Variants in KIAA1217 observed in about 807,000 individuals in gnomAD.
KIAA1217 encodes sickle tail protein homolog.
A neutral mutation model predicts 163.9 loss-of-function variants in KIAA1217; 88 were observed. The observed-to-expected ratio is 0.54, with a 90% CI of 0.45 to 0.64. KIAA1217 has a LOEUF of 0.64. Ranked by LOEUF, KIAA1217 falls within the 30% of genes least tolerant of loss-of-function variation. The pLI, the probability that KIAA1217 is intolerant of heterozygous loss-of-function variation, is 0.00. For synonymous variants in KIAA1217, 903 were observed against 923.1 expected, an observed-to-expected ratio of 0.98 and a Z score of 0.39; for missense variants, 2,372 against 2,475.0, an observed-to-expected ratio of 0.96 and a Z score of 0.88.
chr10:24,481,472 A>C (rs941751937), intron 6 of KIAA1217: 23 of 152,288 alleles, frequency 1.5e-4, no homozygotes, highest in Admixed American at 1.5e-3. Flanking sequence ...GCCAAGTCAC[A>C]TGGCACCCCC....
At chr10:24,469,162 G>T (rs2063235579) in intron 5 of KIAA1217, among the ~76,000 whole-genome samples, 1 of 151,982 alleles carries the variant, frequency 6.6e-6, no homozygotes. Flanking sequence ...GTCTTGCTGT[G>T]TCGCCCAGGT....
chr10:24,089,167 T>C (rs1453666858), intron 2 of KIAA1217, among the ~76,000 whole-genome samples: 1 of 124,930 alleles, frequency 8.0e-6, no homozygotes, highest in East Asian at 1.9e-4. Context: ...GTAAATTTGT[T>C]TGTGTTCTTT....
At chr10:23,908,929 C>T (rs1001411257) in intron 1 of KIAA1217, among the ~76,000 whole-genome samples, 47 of 151,964 alleles carry the variant, frequency 3.1e-4, no homozygotes, top group African/African-American at 1.1e-3. Flanking sequence ...AAAGAAGATG[C>T]ACAATTGCAA....
rs117192226 is a variant in KIAA1217 at position 23,712,468 on chromosome 10, C to T, written c.-321+17234C>T. ...AGTTATTGCAGAGCAGTGCAGTCAA[C>T]TCAGTACAGAAAAGATAGGAGACAG... On this transcript the variant is annotated intron_variant, in intron 1 of 18. Coordinates refer to the KIAA1217 transcript ENST00000376462. Among the ~76,000 whole-genome samples, 1,416 of 152,060 alleles carry T rather than the reference C, an allele frequency of 9.3e-3. 10 individuals are homozygous for T. The highest frequency in any genetic ancestry group is 0.017 in the Middle Eastern group (5 of 294).
chr10:24,326,455 T>C (rs16924592), intron 2 of KIAA1217, among the ~76,000 whole-genome samples: 2,114 of 152,286 alleles, frequency 0.014, 45 homozygotes, highest in East Asian at 0.1. Context: ...GGTAGCCTAG[T>C]TGGAGAATAA....
chr10:23,907,235 A>G (rs557193039), intron 1 of KIAA1217, among the ~76,000 whole-genome samples: 26 of 150,928 alleles, frequency 1.7e-4, no homozygotes, highest in African/African-American at 5.8e-4. Flanking sequence ...TTTCTTCAAC[A>G]TTTTTTTTGA....
intron 2 of KIAA1217, among the ~76,000 whole-genome samples, chr10:24,063,795 T>C (rs999769945): frequency 6.6e-6 from 1 of 152,206 alleles, no homozygotes; most frequent in Non-Finnish European, 1.5e-5. Context: ...CTTCCATTGG[T>C]TTGTATCCTC....
chr10:24,524,689 T>G lies in KIAA1217; in HGVS notation c.2823T>G (p.Asn941Lys). 6.2e-7 allele frequency: 1 copy of G among 1,614,086 alleles called. No homozygotes were observed. The highest frequency in any genetic ancestry group is 8.5e-7 in the Non-Finnish European group (1 of 1,179,954). ...QAPQSPQIPM[N>K]GSAMQSLFIE... is the part of the protein sequence containing the mutation. ...CGCAGTCCCCACAGATACCCATGAATGGGTCTGCCATGCAGAGCTTGTTCA... is the reference window on the plus strand; with the variant it reads ...CGCAGTCCCCACAGATACCCATGAAGGGGTCTGCCATGCAGAGCTTGTTCA... Residue 941 changes from asparagine to lysine, a missense_variant, in exon 13 of 21, where the codon AAT (asparagine) becomes AAG (lysine). By Grantham distance (94) the Asn-to-Lys change is moderately conservative (BLOSUM62 0). This residue lies in a region of KIAA1217 where 1,431 missense variants were observed against 1,470.3 expected (regional missense o/e 0.97). Coordinates refer to ENST00000376454, the MANE Select transcript of KIAA1217 (RefSeq NM_019590.5).
At chr10:23,898,132 C>T (rs1841786588) in intron 1 of KIAA1217, among the ~76,000 whole-genome samples, 1 of 151,926 alleles carries the variant, frequency 6.6e-6, no homozygotes, top group South Asian at 2.1e-4. Context: ...ACTGAACAAG[C>T]TGCACATAAA....
chr10:24,501,515 G>T lies in KIAA1217; in HGVS notation c.1971G>T (p.Arg657Ser), dbSNP rs1409791438. The T allele has an allele frequency of 1.2e-6, 2 of 1,613,566 alleles. No homozygotes were observed. Among genetic ancestry groups the T allele is most frequent in the East Asian group, 2.2e-5 (1 of 44,828 alleles). ...LEMRRSVAEL[R>S]LQLQQMRQLQ... ...TGAGGCGGAGCGTGGCGGAACTCAG[G>T]CTCCAGCTCCAGCAGATGCGGCAGC... is the stretch of plus-strand genomic sequence containing the variant. The change falls in exon 9 of 21, where the codon AGG becomes AGT. Residue 657 changes from arginine (R) to serine (S), a missense_variant. By Grantham distance (110) the Arg-to-Ser change is moderately radical (BLOSUM62 -1). Around this residue, in one of 3 missense-constraint regions of KIAA1217, gnomAD observed 1,431 missense variants for 1,470.3 expected, o/e 0.97. Transcript: ENST00000376454.
intron 1 of KIAA1217, among the ~76,000 whole-genome samples, chr10:23,726,979 CTTT>C (rs1012125050): frequency 1.8e-4 from 17 of 93,414 alleles, no homozygotes; most frequent in African/African-American, 8.2e-4. Context: ...GTATAGGCCT[CTTT>C]TTTTTTTTTT....
intron 2 of KIAA1217, among the ~76,000 whole-genome samples, chr10:24,117,052 G>GC (rs1338829779): frequency 6.6e-6 from 1 of 150,866 alleles, no homozygotes; most frequent in African/African-American, 2.5e-5. Context: ...TTTTGGGTGG[G>GC]GGGGGATGGA....
chr10:24,177,220 C>G (rs369865808), intron 2 of KIAA1217, among the ~76,000 whole-genome samples: 2 of 131,810 alleles, frequency 1.5e-5, no homozygotes, highest in East Asian at 5.1e-4. Context: ...GCACCGAAAG[C>G]GAGCGAGGGC....
chr10:24,062,800 G>T (rs1237265515), intron 2 of KIAA1217, among the ~76,000 whole-genome samples: 2 of 152,096 alleles, frequency 1.3e-5, no homozygotes, highest in Non-Finnish European at 2.9e-5. Context: ...TCCAGCACCT[G>T]TTGTTTCCTG....
chr10:23,974,889 C>CG (rs986237727), intron 1 of KIAA1217, among the ~76,000 whole-genome samples: 12 of 151,788 alleles, frequency 7.9e-5, no homozygotes, highest in African/African-American at 2.7e-4. Flanking sequence ...TCCTTCCCCC[C>CG]CCCATAGATA....
intron 2 of KIAA1217, among the ~76,000 whole-genome samples, chr10:24,235,110 A>G (rs1273877005): frequency 2.6e-5 from 4 of 152,194 alleles, no homozygotes; most frequent in Non-Finnish European, 5.9e-5. Flanking sequence ...TTTGCTTCTA[A>G]GGTCTTCAAC....
intron 1 of KIAA1217, among the ~76,000 whole-genome samples, chr10:23,810,652 A>C (rs1216714505): frequency 7.7e-6 from 1 of 129,218 alleles, no homozygotes; most frequent in Non-Finnish European, 1.5e-5. Context: ...TATAGTGTGT[A>C]TATATATAAT....
intron 1 of KIAA1217, among the ~76,000 whole-genome samples, chr10:23,796,213 G>A (rs1020202976): frequency 1.3e-5 from 2 of 152,122 alleles, no homozygotes; most frequent in African/African-American, 4.8e-5. Flanking sequence ...CAGGATGTCT[G>A]GGTTCTGAGA....
chr10:24,041,914 G>C (rs1848650247), intron 2 of KIAA1217, among the ~76,000 whole-genome samples: 1 of 151,932 alleles, frequency 6.6e-6, no homozygotes. Context: ...AGGCTGTCTG[G>C]TGTGTAGTCT....
Sources: gnomAD v4.1 joint callset for allele counts (sites outside exome capture counted in the v4.1 genomes callset) on GRCh38, gnomAD v4.1.1 for gene constraint, gnomAD v4.1.1 regional missense constraint, MANE v1.5 for transcripts, NCBI Gene and HGNC (gene_info 2026-07-23, HGNC 2026-07-21) for gene names.